SOAT2: variants seen among roughly 807,000 people sequenced by gnomAD.
SOAT2 encodes the protein ACAT-2.
Under a neutral mutation model 76.0 loss-of-function variants are expected in SOAT2, and 87 were observed. That is an observed-to-expected ratio of 1.14 (90% CI 0.96 to 1.37). The LOEUF is 1.37. Ranked by LOEUF, SOAT2 falls within the 40% of genes most tolerant of loss-of-function variation. The pLI is 0.00. For synonymous variants in SOAT2, 285 were observed against 275.4 expected, an observed-to-expected ratio of 1.03 and a Z score of -0.34; for missense variants, 686 against 682.1, an observed-to-expected ratio of 1.01 and a Z score of -0.06.
At chr12:53,104,645 T>C (rs1937900753) in intron 2 of SOAT2, among the ~76,000 whole-genome samples, 1 of 151,958 alleles carries the variant, frequency 6.6e-6, no homozygotes, top group Admixed American at 6.6e-5. Flanking sequence ...GAAGCACAGG[T>C]CCCAAAGGTC....
intron 2 of SOAT2, among the ~76,000 whole-genome samples, chr12:53,104,579 A>G (rs1294600414): frequency 6.6e-6 from 1 of 151,968 alleles, no homozygotes; most frequent in African/African-American, 2.4e-5. Context: ...CAGCCTGATG[A>G]CTTGTTCCTG....
intron 10 of SOAT2, 68 bp downstream of exon 10, chr12:53,119,321 A>G: frequency 1.3e-6 from 2 of 1,540,584 alleles, no homozygotes; most frequent in Non-Finnish European, 1.8e-6. Context: ...AGGCCTTGCT[A>G]GTTACCTTCC....
Position 53,105,180 on chromosome 12 carries a change from C to T in SOAT2, c.212C>T (p.Ala71Val), listed in dbSNP as rs768581502. 5 of 1,594,402 alleles carry T rather than the reference C, an allele frequency of 3.1e-6. No homozygotes were observed. In the South Asian group the frequency reaches 5.7e-5, roughly 18 times the overall value. Residue 71 changes from alanine to valine, a missense_variant, in exon 3 of 15, where the codon GCT becomes GTT. Physicochemically the swap from Ala to Val is moderately conservative, Grantham distance 64. Coordinates refer to ENST00000301466, the MANE Select transcript of SOAT2 (RefSeq NM_003578.4). ...CTGCTGGATCGGGCCATGCGGGAGG[C>T]TATACAATCCTACCCATCACAAGAC... The part of the protein sequence containing the change: ...RELLDRAMRE[A>V]IQSYPSQDKP...
chr12:53,107,494 A>T (rs942415059), intron 5 of SOAT2, among the ~76,000 whole-genome samples: 2 of 152,156 alleles, frequency 1.3e-5, no homozygotes, highest in Non-Finnish European at 2.9e-5. Flanking sequence ...AATGGAAAAG[A>T]AAGAGGAAAA....
chr12:53,105,251 T>C lies in SOAT2; in HGVS notation c.275+8T>C. 1 of 1,601,322 alleles carries C rather than the reference T, an allele frequency of 6.2e-7. No homozygotes were observed. Among genetic ancestry groups the C allele is most frequent in the Non-Finnish European group, 8.5e-7 (1 of 1,174,400 alleles). On this transcript the variant is annotated splice_region_variant and intron_variant, in intron 3 of 14. Transcript: ENST00000301466. The stretch of plus-strand genomic sequence containing the variant: ...CCCAGGTTCCTTGAGCAGGTGAGTC[T>C]GGGGAATGGCTGCGCGGGCTCCTCT...
chr12:53,105,790 C>A (rs2272304), intron 4 of SOAT2, 117 bp from the exon 5 acceptor site: 69,755 of 974,518 alleles, frequency 0.072, 4,524 homozygotes, highest in African/African-American at 0.33. Flanking sequence ...GGAAGAAAGG[C>A]CTTTAGCTGG....
chr12:53,111,003 C>T (rs1159149806), intron 5 of SOAT2, among the ~76,000 whole-genome samples: 1 of 151,882 alleles, frequency 6.6e-6, no homozygotes, highest in African/African-American at 2.4e-5. Flanking sequence ...TGGAAAATAC[C>T]CAAATAATGA....
chr12:53,113,577 C>G (rs1938056845), intron 5 of SOAT2, among the ~76,000 whole-genome samples: 2 of 152,206 alleles, frequency 1.3e-5, no homozygotes, highest in African/African-American at 4.8e-5. Flanking sequence ...GCTGCTATTT[C>G]TTGAGGCCCA....
At chr12:53,115,305 T>C in intron 5 of SOAT2, 85 bp from the exon 6 acceptor site, 1 of 1,453,428 alleles carries the variant, frequency 6.9e-7, no homozygotes, top group South Asian at 1.4e-5. Context: ...ATACCTCAGT[T>C]CATCTTCCAG....
intron 6 of SOAT2, 116 bp downstream of exon 6, chr12:53,115,770 G>C (rs560164423): frequency 7.9e-7 from 1 of 1,265,826 alleles, no homozygotes; most frequent in East Asian, 2.6e-5. Context: ...GCTGGAGAAG[G>C]CATTGGCAGG....
intron 5 of SOAT2, among the ~76,000 whole-genome samples, chr12:53,111,574 A>C (rs1189001054): frequency 6.6e-6 from 1 of 152,254 alleles, no homozygotes; most frequent in East Asian, 1.9e-4. Flanking sequence ...CATTCATTAA[A>C]AATGACATGA....
chr12:53,116,307 G>T, intron 7 of SOAT2, 141 bp downstream of exon 7: 1 of 667,652 alleles, frequency 1.5e-6, no homozygotes, highest in South Asian at 1.8e-5. Flanking sequence ...ATCCAGCTGG[G>T]CTCTGTGGGC....
At position 53,103,671 on chromosome 12, in the gene SOAT2, TC is replaced by T. The variant is rs754932395; in HGVS notation, c.82+13del. The T allele has an allele frequency of 3.0e-5, 46 of 1,516,906 alleles. 1 individual carries two copies. The South Asian group carries it at 5.5e-4, about 18-fold the overall frequency. 94.0% of individuals were successfully genotyped at this position (1,516,906 alleles called of 1,614,324 possible). On this transcript the variant is annotated intron_variant, in intron 1 of 14. Coordinates refer to ENST00000301466, the MANE Select transcript of SOAT2 (RefSeq NM_003578.4). ...ACCCTGTGGAGATGGTGAGCCGCCC[TC>T]GGGGGTGCAGAAGGCACAGGCAAGT...
In SOAT2 at chr12:53,119,140, T is replaced by G. The variant is rs772783974; in HGVS notation, c.926T>G (p.Leu309Arg). The G allele has an allele frequency of 6.2e-7, 1 of 1,613,880 alleles. No homozygotes were observed. The highest frequency in any genetic ancestry group is 8.5e-7 in the Non-Finnish European group (1 of 1,179,912). Residue 309 changes from leucine (L) to arginine (R), a missense_variant, in exon 10 of 15, where the codon CTC becomes CGC. By Grantham distance (102) the Leu-to-Arg change is moderately radical (BLOSUM62 -2). Coordinates refer to ENST00000301466, the MANE Select transcript of SOAT2 (RefSeq NM_003578.4). ...CCCCTCCAGGCCCTGGGATGTGTGC[T>G]CTATGCCTGCTTCATCCTGGGCCGC... The part of the protein sequence containing the change: ...KNFAQALGCV[L>R]YACFILGRLC...
Position 53,120,787 on chromosome 12 carries a change from C to G in SOAT2, c.1041C>G (p.Gly347=). 6.2e-7 allele frequency: 1 copy of G among 1,613,102 alleles called. No individual in the cohort carries two copies. Among genetic ancestry groups the G allele is most frequent in the African/African-American group, 1.3e-5 (1 of 75,034 alleles). ...VLSILHATLP[G]IFMLLLIFFA... The stretch of plus-strand genomic sequence containing the variant: ...CAGCCTCTTGTCCCCAACCACCAGG[C>G]ATCTTCATGCTGCTGCTCATCTTCT... Residue 347 remains glycine (G), a splice_region_variant and synonymous_variant, in exon 11 of 15, where the codon GGC becomes GGG. Transcript: ENST00000301466.
intron 5 of SOAT2, among the ~76,000 whole-genome samples, chr12:53,110,485 G>T (rs1349899022): frequency 1.3e-5 from 2 of 152,072 alleles, no homozygotes; most frequent in African/African-American, 4.8e-5. Flanking sequence ...AATTCTTTCA[G>T]GACTTCCACA....
At position 53,118,211 on chromosome 12, in the gene SOAT2, C is replaced by A; in HGVS notation, c.779-139C>A. Reference sequence around the variant, plus strand: ...TCCCCTAGCCCGCATCCAGGTCCTACGTCCAGCTCCTTGCTTATCCCCCAC... The same window carrying A: ...TCCCCTAGCCCGCATCCAGGTCCTAAGTCCAGCTCCTTGCTTATCCCCCAC... On this transcript the variant is annotated intron_variant, in intron 7 of 14. Coordinates refer to ENST00000301466, the MANE Select transcript of SOAT2 (RefSeq NM_003578.4). 1.3e-5 allele frequency: 8 copies of A among 629,722 alleles called. No individual in the cohort carries two copies. In the South Asian group the frequency reaches 1.5e-4, roughly 12 times the overall value. The allele number at this position is 629,722 out of a possible 1,614,324, so 39.0% of individuals were successfully genotyped here.
At position 53,106,441 on chromosome 12, in the gene SOAT2, A is replaced by C. The variant is rs555606870; in HGVS notation, c.443+427A>C. On this transcript the variant is annotated intron_variant, in intron 5 of 14. Coordinates refer to ENST00000301466, the MANE Select transcript of SOAT2 (RefSeq NM_003578.4). The stretch of plus-strand genomic sequence containing the variant: ...GTGAGGCACTCCCAGTCTTGTGGGG[A>C]AGACAGACATGTAACCAAGTGCCTG... Among the ~76,000 whole-genome samples, 11 of 152,324 alleles carry C rather than the reference A, an allele frequency of 7.2e-5. No individual in the cohort carries two copies. The East Asian group carries it at 1.9e-3, about 27-fold the overall frequency.
chr12:53,103,742 C>T (rs150353307), intron 1 of SOAT2, 83 bp downstream of exon 1: 154 of 1,119,996 alleles, frequency 1.4e-4, no homozygotes, highest in Admixed American at 6.3e-4. Flanking sequence ...AAGGCTCCAA[C>T]TGCCTGATGC....
Sources: gnomAD v4.1 joint callset for allele counts (sites outside exome capture counted in the v4.1 genomes callset) on GRCh38, gnomAD v4.1.1 for gene constraint, MANE v1.5 for transcripts, NCBI Gene and HGNC (gene_info 2026-07-23, HGNC 2026-07-21) for gene names.